The following CORO7 variants were observed in gnomAD, a reference collection of about 807,000 sequenced individuals.
The protein encoded by CORO7 is coronin 7, also known as coronin-7.
A neutral mutation model predicts 126.6 loss-of-function variants in CORO7; 107 were observed. The observed-to-expected ratio is 0.85, with a 90% CI of 0.72 to 0.99. The LOEUF is 0.99. CORO7 is among the 50% of genes least tolerant of loss of function. The pLI is 0.00. For missense variants in CORO7, 1,314 were observed against 1,255.8 expected (o/e 1.05, Z -0.70); for synonymous variants, 603 against 536.8 (o/e 1.12, Z -1.70).
At position 4,368,468 on chromosome 16, in the gene CORO7, G is replaced by A. The variant is rs565000393; in HGVS notation, c.786-2923C>T. On this transcript the variant is annotated intron_variant, in intron 9 of 27. Coordinates refer to ENST00000251166, the MANE Select transcript of CORO7 (RefSeq NM_024535.5). ...TTTGAGGCTGCAGTGAGTCAAGATC[G>A]CATCGCCAGCTGGGCATGGTGGCTC... 9.9e-5 allele frequency among the ~76,000 whole-genome samples: 15 copies of A among 151,314 alleles called. No individual in the cohort carries two copies. In the South Asian group the frequency reaches 2.9e-3, roughly 30 times the overall value.
At chr16:4,411,174 G>A (rs919049866) in intron 3 of CORO7, among the ~76,000 whole-genome samples, 2 of 152,184 alleles carry the variant, frequency 1.3e-5, no homozygotes, top group Non-Finnish European at 1.5e-5. Context: ...AGGATAGCTC[G>A]AGGCCAGGAG....
chr16:4,362,189 G>C lies in CORO7; in HGVS notation c.1403-29C>G, dbSNP rs377188571. ...GCAGGTGGCAGGGACATGGAACCAC[G>C]TGTGAGGATGCCGTCCCCGCCCGCC... On this transcript the variant is annotated intron_variant, in intron 15 of 27. Coordinates refer to ENST00000251166, the MANE Select transcript of CORO7 (RefSeq NM_024535.5). This position sits in a 1 kb window ranked among gnomAD's most constrained non-coding sequence, Gnocchi z 5.3. 69 of 1,592,702 alleles carry C rather than the reference G, an allele frequency of 4.3e-5. No homozygotes were observed. The Admixed American group carries it at 1.0e-3, about 23-fold the overall frequency.
rs767414840 is a variant in CORO7 at position 4,360,456 on chromosome 16, AGGGCCACTCCG to A, written c.1999_2009del (p.Arg667Ter). On this transcript the variant is annotated frameshift_variant, in exon 20 of 28. Coordinates refer to ENST00000251166, the MANE Select transcript of CORO7 (RefSeq NM_024535.5). LOFTEE classifies it high-confidence loss of function. ...CCTGTGTGCTCACCTGCAGGGGCTC[AGGGCCACTCCG>A]GGGCCTGTAGACCCGCACACGCCCA... is the stretch of plus-strand genomic sequence containing the variant. The A allele has an allele frequency of 1.9e-6, 3 of 1,612,614 alleles. No homozygotes were observed. The highest frequency in any genetic ancestry group is 2.5e-6 in the Non-Finnish European group (3 of 1,179,734).
rs547268137 is a variant in CORO7, at chr16:4,411,287, G to A, written c.232+1069C>T. ...ATAAACCTGTGGTCCTGACAACTTG[G>A]GAGGCTGAGGTGGAAGAATTGCTTG... is the stretch of plus-strand genomic sequence containing the variant. On this transcript the variant is annotated intron_variant, in intron 3 of 27. Coordinates refer to ENST00000251166, the MANE Select transcript of CORO7 (RefSeq NM_024535.5). Among the ~76,000 whole-genome samples, 15 of 152,302 alleles carry A rather than the reference G, an allele frequency of 9.8e-5. No homozygotes were observed. In the East Asian group the frequency reaches 2.9e-3, roughly 29 times the overall value.
intron 9 of CORO7, among the ~76,000 whole-genome samples, chr16:4,377,024 G>GGCACCACGA (rs780689219): frequency 1.3e-5 from 2 of 152,166 alleles, no homozygotes; most frequent in Non-Finnish European, 2.9e-5. Flanking sequence ...CCCAGACACA[G>GGCACCACGA]GCACCACGAG....
intron 9 of CORO7, among the ~76,000 whole-genome samples, chr16:4,368,874 G>A (rs1284622955): frequency 6.6e-6 from 1 of 152,236 alleles, no homozygotes; most frequent in Non-Finnish European, 1.5e-5. Context: ...GCTGCTGGGG[G>A]CACAGGCTGG....
chr16:4,359,166 A>T, intron 23 of CORO7, 130 bp downstream of exon 23: 1 of 1,021,052 alleles, frequency 9.8e-7, no homozygotes, highest in East Asian at 2.7e-5. Context: ...CACTGGGCAC[A>T]GCCCCAGGCC....
chr16:4,392,021 T>A (rs1373729452), intron 7 of CORO7, among the ~76,000 whole-genome samples: 1 of 152,076 alleles, frequency 6.6e-6, no homozygotes, highest in Non-Finnish European at 1.5e-5. Context: ...CTTGCTGGGG[T>A]GAGGGGACCT....
chr16:4,415,890 A>G, intron 1 of CORO7: 4 of 985,604 alleles, frequency 4.1e-6, no homozygotes, highest in Non-Finnish European at 4.8e-6. Flanking sequence ...AGCATCACCG[A>G]GATAAAGAAA....
At chr16:4,376,138 C>T (rs1470338197) in intron 9 of CORO7, among the ~76,000 whole-genome samples, 1 of 152,184 alleles carries the variant, frequency 6.6e-6, no homozygotes, top group Non-Finnish European at 1.5e-5. Context: ...ACTCGAGGCC[C>T]AGCCCTCTCT....
At chr16:4,366,535 CTTTTTTTTTTTT>C (rs544549233) in intron 9 of CORO7, among the ~76,000 whole-genome samples, 1 of 114,400 alleles carries the variant, frequency 8.7e-6, no homozygotes, top group Non-Finnish European at 1.8e-5. Context: ...CTGATCTTTG[CTTTTTTTTTTTT>C]TTTTTTTTTT....
rs1215187052 is a variant in CORO7 at position 4,407,581 on chromosome 16, G to A, written c.407C>T (p.Pro136Leu). Residue 136 changes from proline (P) to leucine (L), a missense_variant, in exon 5 of 28, where the codon CCC becomes CTC. Transcript: ENST00000251166. ...GCTCACCAGAATGCCGTCAGAGGTG[G>A]GGTGGAACTGCAGTACCTCCACTGG... ...DLPVEVLQFHPTSDGILVSAA... is the reference protein window; with the variant it reads ...DLPVEVLQFHLTSDGILVSAA... The A allele has an allele frequency of 6.3e-7, 1 of 1,590,652 alleles. No homozygotes were observed. Among genetic ancestry groups the A allele is most frequent in the Non-Finnish European group, 8.6e-7 (1 of 1,168,546 alleles).
At chr16:4,371,554 C>T (rs777211529) in intron 9 of CORO7, among the ~76,000 whole-genome samples, 17 of 152,334 alleles carry the variant, frequency 1.1e-4, no homozygotes, top group African/African-American at 3.8e-4. Context: ...CTGCCTGGTG[C>T]CTCATAGGCA....
chr16:4,388,842 G>A (rs897018896), intron 7 of CORO7, among the ~76,000 whole-genome samples: 1 of 152,192 alleles, frequency 6.6e-6, no homozygotes, highest in African/African-American at 2.4e-5. Context: ...CGCCCCAGTT[G>A]AGGGCAGCTC....
At chr16:4,388,477 T>G (rs986573044) in intron 8 of CORO7, 68 bp downstream of exon 8, 2 of 1,547,154 alleles carry the variant, frequency 1.3e-6, no homozygotes, top group Non-Finnish European at 1.8e-6. Flanking sequence ...ATTGGTTTCG[T>G]CCCCGCCCAA....
intron 7 of CORO7, among the ~76,000 whole-genome samples, chr16:4,394,917 G>A (rs1289980330): frequency 1.3e-5 from 2 of 152,230 alleles, no homozygotes; most frequent in African/African-American, 4.8e-5. Context: ...GGGTCTTCCT[G>A]CAGAGGACAG....
chr16:4,357,250 G>A lies in CORO7; in HGVS notation c.2603C>T (p.Ala868Val), dbSNP rs760626947. 12 of 1,613,062 alleles carry A rather than the reference G, an allele frequency of 7.4e-6. No homozygotes were observed. The Admixed American group carries it at 8.3e-5, about 11-fold the overall frequency. The change falls in exon 26 of 28, where the codon GCC becomes GTC. Residue 868 changes from alanine (A) to valine (V), a missense_variant. Coordinates refer to ENST00000251166, the MANE Select transcript of CORO7 (RefSeq NM_024535.5). ...CCGACGAGCAGGGGCCTCTCGGGGG[G>A]CTTGGCTCACTGGGACAGAGCAAGG... Reference protein sequence around the residue: ...QPPDMSPVSQAPREAPARRAP... With the variant: ...QPPDMSPVSQVPREAPARRAP...
rs117574235 is a variant in CORO7 at position 4,416,306 on chromosome 16, C to G, written c.60+153G>C. 1.5e-3 allele frequency among the ~76,000 whole-genome samples: 227 copies of G among 152,248 alleles called. 3 individuals carry two copies. The East Asian group carries it at 0.042, about 28-fold the overall frequency. ...TCCGGCGGCGACGAAACGGCCCGGACGCCGGGGCCCTGGCCTGAAGGGGGG... is the reference window on the plus strand; with the variant it reads ...TCCGGCGGCGACGAAACGGCCCGGAGGCCGGGGCCCTGGCCTGAAGGGGGG... On this transcript the variant is annotated intron_variant, in intron 1 of 27. Coordinates refer to ENST00000251166, the MANE Select transcript of CORO7 (RefSeq NM_024535.5).
At chr16:4,407,475 G>T in intron 5 of CORO7, 26 bp downstream of exon 5, 1 of 1,556,222 alleles carries the variant, frequency 6.4e-7, no homozygotes. Context: ...GCTGCCCTGG[G>T]AAGGGCAGGC....
Sources: allele counts gnomAD v4.1 joint callset (sites outside exome capture counted in the v4.1 genomes callset), GRCh38; gene constraint gnomAD v4.1.1; non-coding constraint Gnocchi (gnomAD v3.1); transcripts MANE v1.5; gene names NCBI Gene and HGNC (gene_info 2026-07-23, HGNC 2026-07-21).